LAMA2: variants seen among roughly 807,000 people sequenced by gnomAD.
The protein encoded by LAMA2 is laminin subunit alpha 2, also known as laminin subunit alpha-2.
In LAMA2, 269 loss-of-function variants were observed where a neutral mutation model predicts 364.8. That is an observed-to-expected ratio of 0.74 (90% CI 0.67 to 0.82). The LOEUF (loss-of-function observed/expected upper bound fraction) is 0.82. Ranked by LOEUF, LAMA2 falls within the 40% of genes least tolerant of loss-of-function variation. LAMA2 has a pLI of 0.00. For synonymous variants in LAMA2, 1,379 were observed against 1,370.6 expected, an observed-to-expected ratio of 1.01 and a Z score of -0.14; for missense variants, 3,807 against 3,873.2, an observed-to-expected ratio of 0.98 and a Z score of 0.45.
At chr6:129,177,256 A>G (rs1192178638) in intron 9 of LAMA2, among the ~76,000 whole-genome samples, 1 of 152,240 alleles carries the variant, frequency 6.6e-6, no homozygotes, top group Non-Finnish European at 1.5e-5. Context: ...TCATTGTTAA[A>G]CTGTTATTTT....
chr6:129,427,890 A>C (rs1781402953), intron 41 of LAMA2, 36 bp downstream of exon 41: 1 of 1,282,178 alleles, frequency 7.8e-7, no homozygotes, highest in Non-Finnish European at 1.1e-6. Context: ...TATTCCAGTT[A>C]ATCGGGTTGT....
rs1428411883 is a variant in LAMA2 at position 129,186,196 on chromosome 6, A to G, written c.1468-4009A>G. Reference sequence around the variant, plus strand: ...ATTATGTTTTTGCAACCATTGAAGTATAGATAAACAAAAAAAGAAAAAAAT... The same window carrying G: ...ATTATGTTTTTGCAACCATTGAAGTGTAGATAAACAAAAAAAGAAAAAAAT... On this transcript the variant is annotated intron_variant, in intron 10 of 64. Coordinates refer to ENST00000421865, the MANE Select transcript of LAMA2 (RefSeq NM_000426.4). 2.0e-5 allele frequency among the ~76,000 whole-genome samples: 3 copies of G among 151,708 alleles called. No homozygotes were observed. In the East Asian group the frequency reaches 5.8e-4, roughly 29 times the overall value.
chr6:129,120,897 T>C (rs954798239), intron 4 of LAMA2, among the ~76,000 whole-genome samples: 1 of 152,252 alleles, frequency 6.6e-6, no homozygotes, highest in Admixed American at 6.5e-5. Context: ...TTCATACTAA[T>C]TCCTTCTAGC....
chr6:129,319,438 T>C (rs1027490716), intron 27 of LAMA2, among the ~76,000 whole-genome samples: 1 of 152,206 alleles, frequency 6.6e-6, no homozygotes, highest in Admixed American at 6.5e-5. Context: ...AAACTTCTTA[T>C]GATTTATGTG....
chr6:129,446,885 A>C (rs1350165191), intron 45 of LAMA2, among the ~76,000 whole-genome samples: 1 of 152,210 alleles, frequency 6.6e-6, no homozygotes, highest in Admixed American at 6.5e-5. Flanking sequence ...GACTGAAAAA[A>C]AACCTAGAAA....
At chr6:128,920,170 T>A (rs990267517) in intron 1 of LAMA2, among the ~76,000 whole-genome samples, 1 of 151,832 alleles carries the variant, frequency 6.6e-6, no homozygotes, top group Non-Finnish European at 1.5e-5. Flanking sequence ...TTTCTTTTTT[T>A]TTTTTTTGAC....
chr6:129,481,127 C>A, intron 54 of LAMA2, 136 bp from the exon 55 acceptor site: 1 of 712,692 alleles, frequency 1.4e-6, no homozygotes, highest in Non-Finnish European at 2.5e-6. Flanking sequence ...CTTAAACTTT[C>A]CATGTTTTCC....
intron 28 of LAMA2, among the ~76,000 whole-genome samples, chr6:129,327,925 T>C (rs1775398934): frequency 6.6e-6 from 1 of 152,194 alleles, no homozygotes; most frequent in Admixed American, 6.5e-5. Flanking sequence ...TAAAAGCAGA[T>C]TTTAGGTGTT....
At chr6:129,041,369 C>T (rs926201115) in intron 1 of LAMA2, among the ~76,000 whole-genome samples, 1 of 152,180 alleles carries the variant, frequency 6.6e-6, no homozygotes, top group African/African-American at 2.4e-5. Context: ...GAAATAGTCA[C>T]CTGCTGATTG....
At chr6:129,506,602 G>A (rs1051906144) in intron 61 of LAMA2, among the ~76,000 whole-genome samples, 50 of 151,900 alleles carry the variant, frequency 3.3e-4, no homozygotes, top group South Asian at 1.0e-3. Context: ...GTGTATCCTA[G>A]TTTGCTTTGG....
At position 129,291,340 on chromosome 6, in the gene LAMA2, CA is replaced by C. The variant is rs544759343; in HGVS notation, c.2750-270del. On this transcript the variant is annotated intron_variant, in intron 19 of 64. Transcript: ENST00000421865. ...CTTTGAATTTCAGTGTCTTCATGCTCAAAATTGGAATGATGATGATGACATT... is the reference window on the plus strand; with the variant it reads ...CTTTGAATTTCAGTGTCTTCATGCTCAAATTGGAATGATGATGATGACATT... Among the ~76,000 whole-genome samples the C allele has an allele frequency of 1.5e-4, 23 of 152,126 alleles. No homozygotes were observed. In the East Asian group the frequency reaches 4.4e-3, roughly 29 times the overall value.
chr6:129,312,602 A>T (rs2060034251), intron 22 of LAMA2, among the ~76,000 whole-genome samples: 1 of 152,214 alleles, frequency 6.6e-6, no homozygotes, highest in African/African-American at 2.4e-5. Flanking sequence ...TACCTCAGAA[A>T]GAGAGAAGAC....
chr6:129,156,870 C>G (rs1475848122), intron 8 of LAMA2, among the ~76,000 whole-genome samples: 1 of 152,068 alleles, frequency 6.6e-6, no homozygotes, highest in Non-Finnish European at 1.5e-5. Context: ...ATTGGCGAAT[C>G]TTGGTCAGAT....
intron 23 of LAMA2, among the ~76,000 whole-genome samples, chr6:129,313,870 A>T (rs1417647962): frequency 6.6e-6 from 1 of 152,236 alleles, no homozygotes; most frequent in African/African-American, 2.4e-5. Context: ...GCCAATACCG[A>T]GTACAATGCT....
At chr6:129,173,107 A>G (rs1780325053) in intron 9 of LAMA2, among the ~76,000 whole-genome samples, 1 of 152,188 alleles carries the variant, frequency 6.6e-6, no homozygotes, top group Non-Finnish European at 1.5e-5. Context: ...GGTACCTCAG[A>G]TGGAAATGCA....
intron 1 of LAMA2, among the ~76,000 whole-genome samples, chr6:129,026,315 T>C (rs1045739953): frequency 6.6e-6 from 1 of 152,180 alleles, no homozygotes; most frequent in Non-Finnish European, 1.5e-5. Context: ...CTGTATTAAA[T>C]TATGTAACAT....
intron 12 of LAMA2, among the ~76,000 whole-genome samples, chr6:129,241,425 T>C (rs946988279): frequency 3.9e-5 from 6 of 152,224 alleles, no homozygotes; most frequent in Non-Finnish European, 8.8e-5. Flanking sequence ...ACTATACTTA[T>C]TAAAACAGTA....
At chr6:129,285,265 A>G (rs1053128111) in intron 18 of LAMA2, among the ~76,000 whole-genome samples, 1 of 152,168 alleles carries the variant, frequency 6.6e-6, no homozygotes, top group African/African-American at 2.4e-5. Context: ...ACACCCATAC[A>G]CCAGTAATGT....
In LAMA2 at chr6:129,210,024, A is replaced by AAAAAAAAAAAAAAAT. The variant is rs200129656; in HGVS notation, c.1782+17172_1782+17173insAAAAAAAAAAAAATA. The stretch of plus-strand genomic sequence containing the variant: ...ATCTCAAAAAAAAAAAAAAAAAAAA[A>AAAAAAAAAAAAAAAT]ATTTTTACTATTGACCCTTACTCTG... On this transcript the variant is annotated intron_variant, in intron 12 of 64. Coordinates refer to ENST00000421865, the MANE Select transcript of LAMA2 (RefSeq NM_000426.4). Among the ~76,000 whole-genome samples, 524 of 145,088 alleles carry AAAAAAAAAAAAAAAT rather than the reference A, an allele frequency of 3.6e-3. 16 individuals are homozygous for AAAAAAAAAAAAAAAT. Among genetic ancestry groups the AAAAAAAAAAAAAAAT allele is most frequent in the East Asian group, 0.035 (154 of 4,442 alleles).
Sources: allele counts gnomAD v4.1 joint callset (sites outside exome capture counted in the v4.1 genomes callset), GRCh38; gene constraint gnomAD v4.1.1; transcripts MANE v1.5; gene names NCBI Gene and HGNC (gene_info 2026-07-23, HGNC 2026-07-21).